Variants in SCN2A observed in about 807,000 individuals in gnomAD.
SCN2A encodes sodium channel protein type 2 subunit alpha.
In SCN2A, 20 loss-of-function variants were observed where a neutral mutation model predicts 188.7. That is an observed-to-expected ratio of 0.11 (90% CI 0.07 to 0.15). The LOEUF (loss-of-function observed/expected upper bound fraction) is 0.15, where lower values mean the gene tolerates loss of function less well. SCN2A is among the 10% of genes least tolerant of loss of function. The pLI is 1.00. For synonymous variants in SCN2A, 804 were observed against 833.1 expected (o/e 0.97, Z 0.60); for missense variants, 1,278 against 2,445.0 (o/e 0.52, Z 10.07).
At chr2:165,370,073 C>G in intron 19 of SCN2A, 53 bp from the exon 20 acceptor site, 1 of 1,497,298 alleles carries the variant, frequency 6.7e-7, no homozygotes, top group South Asian at 1.1e-5. Context: ...AAGAAATCAT[C>G]AATTAGAGAC....
chr2:165,377,126 TAAG>T (rs1701356631), intron 22 of SCN2A, among the ~76,000 whole-genome samples: 1 of 151,972 alleles, frequency 6.6e-6, no homozygotes, highest in Admixed American at 6.6e-5. Context: ...TCAACAATAT[TAAG>T]AAGATTTTCA....
At chr2:165,357,632 T>C (rs951158346) in intron 17 of SCN2A, among the ~76,000 whole-genome samples, 39 of 152,274 alleles carry the variant, frequency 2.6e-4, no homozygotes, top group Non-Finnish European at 4.9e-4. Flanking sequence ...TTAATGTAAT[T>C]CCTTTTGTGA....
chr2:165,327,188 T>C (rs1698403804), intron 13 of SCN2A: 2 of 559,758 alleles, frequency 3.6e-6, no homozygotes, highest in African/African-American at 3.8e-5. Flanking sequence ...TCCAGAAAGC[T>C]GCTGCAAATG....
chr2:165,365,367 C>CTG (rs1700668879), intron 18 of SCN2A, 104 bp downstream of exon 18: 31 of 1,143,892 alleles, frequency 2.7e-5, no homozygotes, highest in Non-Finnish European at 3.8e-5. Flanking sequence ...TATTATCTAT[C>CTG]TATCTGTATC....
intron 3 of SCN2A, among the ~76,000 whole-genome samples, chr2:165,302,067 C>T (rs989150749): frequency 2.6e-5 from 4 of 152,102 alleles, no homozygotes; most frequent in Admixed American, 6.5e-5. Flanking sequence ...TTCAAAGGTG[C>T]TTCTTAGTTG....
At chr2:165,334,544 T>C (rs577079297) in intron 14 of SCN2A, among the ~76,000 whole-genome samples, 1 of 151,912 alleles carries the variant, frequency 6.6e-6, no homozygotes, top group Non-Finnish European at 1.5e-5. Context: ...TCTCTATAGA[T>C]GCTGTAATCA....
At chr2:165,344,951 T>A in intron 16 of SCN2A, 40 bp downstream of exon 16, 1 of 1,610,782 alleles carries the variant, frequency 6.2e-7, no homozygotes, top group Non-Finnish European at 8.5e-7. Context: ...CATTAAAAGA[T>A]AATGTAATCA....
At chr2:165,351,114 G>A (rs1009401244) in intron 16 of SCN2A, among the ~76,000 whole-genome samples, 3 of 152,140 alleles carry the variant, frequency 2.0e-5, no homozygotes, top group African/African-American at 7.2e-5. Context: ...GATTGGTTAT[G>A]CTACTTAGTA....
chr2:165,361,508 C>T (rs1700457871), intron 17 of SCN2A, among the ~76,000 whole-genome samples: 1 of 152,010 alleles, frequency 6.6e-6, no homozygotes, highest in African/African-American at 2.4e-5. Context: ...CACTGATTCG[C>T]TATAACTTTT....
intron 1 of SCN2A, among the ~76,000 whole-genome samples, chr2:165,274,528 T>G (rs1009711176): frequency 1.3e-5 from 2 of 152,190 alleles, no homozygotes; most frequent in Admixed American, 6.5e-5. Flanking sequence ...AAAAATACAT[T>G]ACCAAAACAC....
intron 1 of SCN2A, among the ~76,000 whole-genome samples, chr2:165,244,605 A>G (rs1693764729): frequency 2.0e-5 from 3 of 152,224 alleles, no homozygotes; most frequent in African/African-American, 7.2e-5. Context: ...ATTTATTGGA[A>G]TGTGATAAAA....
At chr2:165,377,752 T>G in intron 23 of SCN2A, 102 bp downstream of exon 23, 1 of 907,534 alleles carries the variant, frequency 1.1e-6, no homozygotes, top group Non-Finnish European at 1.7e-6. Context: ...ATGTGCTTAA[T>G]TTATAAAACC....
rs1334730213 is a variant in SCN2A, at chr2:165,295,859, C to T, written c.36C>T (p.Asp12=). ...AQSVLVPPGP[D]SFRFFTRESL... ...CAGTGCTGGTACCGCCAGGACCTGA[C>T]AGCTTCCGCTTCTTTACCAGGGAAT... Residue 12 remains aspartate (D), a synonymous_variant, in exon 2 of 27, where the codon GAC becomes GAT. Coordinates refer to ENST00000375437, the MANE Select transcript of SCN2A (RefSeq NM_001040142.2). 2 of 1,614,172 alleles carry T rather than the reference C, an allele frequency of 1.2e-6. No homozygotes were observed. Among genetic ancestry groups the T allele is most frequent in the African/African-American group, 1.3e-5 (1 of 75,050 alleles).
At chr2:165,296,746 A>G (rs913745672) in intron 2 of SCN2A, 11 of 233,042 alleles carry the variant, frequency 4.7e-5, no homozygotes, top group African/African-American at 2.5e-4. Flanking sequence ...CGGTTTTAAA[A>G]TACTTACATT....
intron 3 of SCN2A, among the ~76,000 whole-genome samples, chr2:165,305,687 A>G (rs1157917082): frequency 2.0e-5 from 3 of 152,184 alleles, no homozygotes; most frequent in African/African-American, 7.2e-5. Context: ...TATAATCTCA[A>G]ATTATCCTTT....
chr2:165,297,887 A>C (rs1472117107), intron 3 of SCN2A, among the ~76,000 whole-genome samples: 3 of 151,932 alleles, frequency 2.0e-5, no homozygotes, highest in African/African-American at 7.2e-5. Context: ...GATTGATGAC[A>C]TCTTGGTGGG....
At position 165,358,879 on chromosome 2, in the gene SCN2A, G is replaced by A. The variant is rs533986658; in HGVS notation, c.3399+4208G>A. 7.9e-5 allele frequency among the ~76,000 whole-genome samples: 12 copies of A among 152,130 alleles called. No homozygotes were observed. The East Asian group carries it at 2.3e-3, about 29-fold the overall frequency. On this transcript the variant is annotated intron_variant, in intron 17 of 26. Coordinates refer to ENST00000375437, the MANE Select transcript of SCN2A (RefSeq NM_001040142.2). ...AGCAATAAACGTAACATCATTCTAT[G>A]GGATCCATTAGTCGACCTTCATTTC...
At chr2:165,366,478 A>T (rs1350346100) in intron 18 of SCN2A, among the ~76,000 whole-genome samples, 1 of 152,140 alleles carries the variant, frequency 6.6e-6, no homozygotes, top group Non-Finnish European at 1.5e-5. Flanking sequence ...CACACCTGTA[A>T]TCCCAGCACT....
intron 1 of SCN2A, among the ~76,000 whole-genome samples, chr2:165,254,545 G>A (rs1000205736): frequency 6.6e-6 from 1 of 151,580 alleles, no homozygotes; most frequent in African/African-American, 2.4e-5. Context: ...TTATTTGCTA[G>A]AAAATAAAAA....
Sources: allele counts gnomAD v4.1 joint callset (sites outside exome capture counted in the v4.1 genomes callset), GRCh38; gene constraint gnomAD v4.1.1; transcripts MANE v1.5; gene names NCBI Gene and HGNC (gene_info 2026-07-23, HGNC 2026-07-21).